DLG2: variants seen among roughly 807,000 people sequenced by gnomAD.
The protein encoded by DLG2 is discs large MAGUK scaffold protein 2, also known as disks large homolog 2.
Under a neutral mutation model 132.5 loss-of-function variants are expected in DLG2, and 45 were observed. The observed-to-expected ratio is 0.34, with a 90% CI of 0.27 to 0.44. The LOEUF (loss-of-function observed/expected upper bound fraction) is 0.44, where lower values mean the gene tolerates loss of function less well. DLG2 is among the 20% of genes least tolerant of loss of function. DLG2 has a pLI of 1.00. For missense variants in DLG2, 1,045 were observed against 1,196.9 expected, an observed-to-expected ratio of 0.87 and a Z score of 1.87; for synonymous variants, 424 against 419.6, an observed-to-expected ratio of 1.01 and a Z score of -0.13.
chr11:83,639,335 G>A (rs979480077), intron 18 of DLG2, among the ~76,000 whole-genome samples: 27 of 152,256 alleles, frequency 1.8e-4, no homozygotes, highest in East Asian at 5.8e-4. Flanking sequence ...TGGCTGCATA[G>A]TATTCCATGG....
intron 18 of DLG2, among the ~76,000 whole-genome samples, chr11:83,669,330 T>C (rs79038414): frequency 0.039 from 5,871 of 152,294 alleles, 356 homozygotes; most frequent in African/African-American, 0.13. Context: ...ATACTGAGTA[T>C]GTTTCTGCTG....
At chr11:84,173,283 C>T (rs2095864774) in intron 8 of DLG2, among the ~76,000 whole-genome samples, 1 of 152,198 alleles carries the variant, frequency 6.6e-6, no homozygotes, top group Admixed American at 6.5e-5. Context: ...TTGGCTCCAG[C>T]CTGATGCAGG....
chr11:84,236,997 C>T (rs2097166849), intron 8 of DLG2, among the ~76,000 whole-genome samples: 2 of 149,916 alleles, frequency 1.3e-5, no homozygotes, highest in African/African-American at 2.5e-5. Context: ...GGCATCATCT[C>T]GGCTCACTGC....
At chr11:84,100,757 T>C (rs1412503646) in intron 9 of DLG2, among the ~76,000 whole-genome samples, 2 of 152,124 alleles carry the variant, frequency 1.3e-5, no homozygotes, top group African/African-American at 2.4e-5. Flanking sequence ...ATTAGGGTGC[T>C]TGATTAGTCA....
intron 6 of DLG2, among the ~76,000 whole-genome samples, chr11:84,630,405 T>C (rs1222748953): frequency 1.3e-5 from 2 of 152,214 alleles, no homozygotes; most frequent in East Asian, 3.8e-4. Context: ...AATCCAACTC[T>C]CTTTTGCTTT....
intron 18 of DLG2, among the ~76,000 whole-genome samples, chr11:83,742,164 T>C (rs1164566824): frequency 6.6e-6 from 1 of 151,864 alleles, no homozygotes; most frequent in Admixed American, 6.6e-5. Flanking sequence ...AAATATTGTA[T>C]TGTATAATGG....
chr11:84,658,663 TA>T (rs2099691083), intron 6 of DLG2, among the ~76,000 whole-genome samples: 1 of 152,108 alleles, frequency 6.6e-6, no homozygotes, highest in Non-Finnish European at 1.5e-5. Flanking sequence ...GTTGGTTGTT[TA>T]AAAGAGTCGG....
At chr11:85,592,045 A>G (rs925602573) in intron 3 of DLG2, among the ~76,000 whole-genome samples, 8 of 152,226 alleles carry the variant, frequency 5.3e-5, no homozygotes, top group African/African-American at 1.9e-4. Context: ...ACAATGTACA[A>G]TAAGCCCATG....
chr11:85,513,166 G>A (rs2094110941), intron 3 of DLG2, among the ~76,000 whole-genome samples: 1 of 151,800 alleles, frequency 6.6e-6, no homozygotes, highest in Admixed American at 6.6e-5. Flanking sequence ...AAAAAGATGG[G>A]AAAAAATAAA....
intron 16 of DLG2, among the ~76,000 whole-genome samples, chr11:83,840,639 C>G (rs917847079): frequency 5.3e-5 from 8 of 152,214 alleles, no homozygotes; most frequent in Admixed American, 4.6e-4. Flanking sequence ...AAAGATAAGC[C>G]AAGAATCTAG....
At chr11:84,288,446 T>C (rs901982696) in intron 7 of DLG2, among the ~76,000 whole-genome samples, 8 of 152,064 alleles carry the variant, frequency 5.3e-5, no homozygotes, top group African/African-American at 1.9e-4. Context: ...GCTATGAAGA[T>C]AGAATACCTA....
At chr11:85,251,998 A>G (rs17148063) in intron 4 of DLG2, among the ~76,000 whole-genome samples, 8,260 of 152,274 alleles carry the variant, frequency 0.054, 334 homozygotes, top group African/African-American at 0.1. Flanking sequence ...GTGCGCTTAT[A>G]TAAGATAACA....
At chr11:84,434,740 A>G (rs1463745187) in intron 7 of DLG2, among the ~76,000 whole-genome samples, 2 of 152,078 alleles carry the variant, frequency 1.3e-5, no homozygotes, top group Admixed American at 1.3e-4. Context: ...GACAACTAGT[A>G]ATAAGTCACA....
At chr11:84,823,876 A>G (rs1182033375) in intron 6 of DLG2, among the ~76,000 whole-genome samples, 1 of 151,914 alleles carries the variant, frequency 6.6e-6, no homozygotes, top group African/African-American at 2.4e-5. Flanking sequence ...AATTGGTAGC[A>G]TGACTATATA....
chr11:84,547,029 T>C lies in DLG2; in HGVS notation c.358-12298A>G, dbSNP rs2099391299. 2.0e-5 allele frequency among the ~76,000 whole-genome samples: 3 copies of C among 152,198 alleles called. 1 individual carries two copies. In the South Asian group the frequency reaches 6.2e-4, roughly 31 times the overall value. On this transcript the variant is annotated intron_variant, in intron 6 of 27. Transcript: ENST00000376104. ...TCCTACTTTGATAACCACATGACCT[T>C]GGGCAACTTATTAAACCCTCTGAGA...
intron 3 of DLG2, among the ~76,000 whole-genome samples, chr11:85,463,743 T>C (rs2092690908): frequency 6.6e-6 from 1 of 152,010 alleles, no homozygotes; most frequent in African/African-American, 2.4e-5. Flanking sequence ...TGCATTCTAG[T>C]CTGAACAACA....
intron 3 of DLG2, among the ~76,000 whole-genome samples, chr11:85,487,340 C>A (rs1229364741): frequency 6.7e-6 from 1 of 149,888 alleles, no homozygotes; most frequent in Non-Finnish European, 1.5e-5. Context: ...TCACAAAATC[C>A]CAGATCAAGA....
At chr11:84,201,222 G>C (rs991022356) in intron 8 of DLG2, among the ~76,000 whole-genome samples, 8 of 152,046 alleles carry the variant, frequency 5.3e-5, no homozygotes, top group African/African-American at 1.7e-4. Context: ...TTTGTCTTTT[G>C]TTCTGTTTAT....
intron 21 of DLG2, among the ~76,000 whole-genome samples, chr11:83,515,605 A>G (rs1418403974): frequency 3.3e-5 from 5 of 151,868 alleles, no homozygotes; most frequent in Non-Finnish European, 7.4e-5. Flanking sequence ...AGTTCTTTTA[A>G]TTGTGATGTT....
Sources: gnomAD v4.1 joint callset for allele counts (sites outside exome capture counted in the v4.1 genomes callset) on GRCh38, gnomAD v4.1.1 for gene constraint, MANE v1.5 for transcripts, NCBI Gene and HGNC (gene_info 2026-07-23, HGNC 2026-07-21) for gene names.